The following IQGAP2 variants were observed in gnomAD, a reference collection of about 807,000 sequenced individuals.
IQGAP2 encodes the protein ras GTPase-activating-like protein IQGAP2.
IQGAP2 carries 173 observed loss-of-function variants against 201.3 expected under a neutral mutation model. The ratio of observed to expected loss-of-function variants is 0.86; its 90% CI spans 0.76 to 0.98. IQGAP2 has a LOEUF of 0.98. Ranked by LOEUF, IQGAP2 falls within the 50% of genes least tolerant of loss-of-function variation. IQGAP2 has a pLI of 0.00. For missense variants in IQGAP2, 1,687 were observed against 1,864.8 expected (o/e 0.90, Z 1.76); for synonymous variants, 675 against 673.9 (o/e 1.00, Z -0.03).
At chr5:76,707,139 A>G (rs558523917) in intron 35 of IQGAP2, 61 bp from the exon 36 acceptor site, 5 of 827,512 alleles carry the variant, frequency 6.0e-6, no homozygotes, top group Non-Finnish European at 1.0e-5. Context: ...TTCTTCTAAT[A>G]TGTTTTTTAA....
At chr5:76,592,471 A>G (rs1328624321) in intron 8 of IQGAP2, among the ~76,000 whole-genome samples, 1 of 152,162 alleles carries the variant, frequency 6.6e-6, no homozygotes, top group African/African-American at 2.4e-5. Context: ...TATAGAACCT[A>G]TTCTGTTCTT....
chr5:76,551,591 G>T (rs534809581), intron 2 of IQGAP2, among the ~76,000 whole-genome samples: 2 of 152,152 alleles, frequency 1.3e-5, no homozygotes, highest in Admixed American at 6.5e-5. Flanking sequence ...GCGAGACTCC[G>T]TCTGCAATCC....
chr5:76,609,199 T>C, intron 12 of IQGAP2: 1 of 1,536,010 alleles, frequency 6.5e-7, no homozygotes, highest in Non-Finnish European at 8.7e-7. Flanking sequence ...CTTGGTTCTG[T>C]TAAGACCATT....
At chr5:76,406,347 T>C (rs947563126) in intron 1 of IQGAP2, among the ~76,000 whole-genome samples, 1 of 152,202 alleles carries the variant, frequency 6.6e-6, no homozygotes, top group African/African-American at 2.4e-5. Flanking sequence ...TCCACTGTTA[T>C]TGGCCACATC....
At chr5:76,569,348 T>C (rs983565406) in intron 3 of IQGAP2, among the ~76,000 whole-genome samples, 4 of 152,128 alleles carry the variant, frequency 2.6e-5, no homozygotes, top group Admixed American at 1.3e-4. Context: ...TGCACCAGAG[T>C]TTATTTAATC....
At chr5:76,663,123 G>A (rs553829313) in intron 21 of IQGAP2, among the ~76,000 whole-genome samples, 18 of 152,316 alleles carry the variant, frequency 1.2e-4, no homozygotes, top group African/African-American at 4.1e-4. Flanking sequence ...AAGACCTGAC[G>A]GTGGTTCTCA....
chr5:76,641,227 A>T (rs590674), intron 17 of IQGAP2, 124 bp downstream of exon 17: 425,812 of 677,314 alleles, frequency 0.63, 135,557 homozygotes, highest in South Asian at 0.76. Flanking sequence ...ATTTTTACAT[A>T]ATCAGTGCCC....
intron 2 of IQGAP2, among the ~76,000 whole-genome samples, chr5:76,525,442 T>A (rs1459658427): frequency 6.6e-6 from 1 of 152,196 alleles, no homozygotes; most frequent in Non-Finnish European, 1.5e-5. Flanking sequence ...TTAGTTGATT[T>A]AGTGGTTGAA....
chr5:76,639,679 A>C (rs1007993864), intron 16 of IQGAP2, among the ~76,000 whole-genome samples: 12 of 152,376 alleles, frequency 7.9e-5, no homozygotes, highest in African/African-American at 2.9e-4. Flanking sequence ...GCAGTGTGGC[A>C]GTATTGCAGA....
intron 2 of IQGAP2, among the ~76,000 whole-genome samples, chr5:76,482,980 A>G (rs368613084): frequency 4.6e-5 from 7 of 152,346 alleles, no homozygotes; most frequent in African/African-American, 1.7e-4. Context: ...TGATGTGAAA[A>G]GCAGCCTAAA....
rs1200135112 is a variant in IQGAP2 at position 76,562,553 on chromosome 5, G to A, written c.303+1G>A. ...TGATGTGGAACAAACACGTTATAAG[G>A]TAACCAAGATCTAATTGGTTTTGGC... On this transcript the variant is annotated splice_donor_variant, in intron 3 of 35. Coordinates refer to ENST00000274364, the MANE Select transcript of IQGAP2 (RefSeq NM_006633.5). LOFTEE classifies it high-confidence loss of function. The A allele has an allele frequency of 1.2e-6, 2 of 1,610,968 alleles. No individual in the cohort carries two copies. The highest frequency in any genetic ancestry group is 1.7e-6 in the Non-Finnish European group (2 of 1,178,792).
At chr5:76,447,155 G>A (rs769868676) in intron 1 of IQGAP2, among the ~76,000 whole-genome samples, 2 of 152,202 alleles carry the variant, frequency 1.3e-5, no homozygotes, top group African/African-American at 2.4e-5. Context: ...AGCAGGGACT[G>A]AGAGACAGGA....
At chr5:76,565,290 C>T (rs1336385992) in intron 3 of IQGAP2, among the ~76,000 whole-genome samples, 1 of 152,154 alleles carries the variant, frequency 6.6e-6, no homozygotes, top group Non-Finnish European at 1.5e-5. Context: ...TCAGTGAACT[C>T]GGGCTCTCGC....
At chr5:76,533,968 G>T (rs1158956899) in intron 2 of IQGAP2, among the ~76,000 whole-genome samples, 1 of 152,086 alleles carries the variant, frequency 6.6e-6, no homozygotes, top group African/African-American at 2.4e-5. Flanking sequence ...TGGGAAATTG[G>T]ACTACATCAA....
intron 22 of IQGAP2, among the ~76,000 whole-genome samples, chr5:76,668,223 G>T (rs760410714): frequency 6.6e-6 from 1 of 151,764 alleles, no homozygotes; most frequent in Non-Finnish European, 1.5e-5. Flanking sequence ...CTGGCTACCC[G>T]CCCTGTTTTC....
At chr5:76,601,323 C>A (rs961555083) in intron 11 of IQGAP2, among the ~76,000 whole-genome samples, 5 of 152,220 alleles carry the variant, frequency 3.3e-5, no homozygotes, top group Non-Finnish European at 5.9e-5. Flanking sequence ...TAATAATCAT[C>A]CAGTCCAATT....
At chr5:76,471,376 A>AACAAAAAAAAAAAAAAAAAACAAC (rs1554059003) in intron 2 of IQGAP2, among the ~76,000 whole-genome samples, 1 of 144,798 alleles carries the variant, frequency 6.9e-6, no homozygotes, top group Non-Finnish European at 1.5e-5. Context: ...AAAAAAAAAA[A>AACAAAAAAAAAAAAAAAAAACAAC]AAAAAAAAAA....
At chr5:76,513,615 AG>A (rs1002482722) in intron 2 of IQGAP2, among the ~76,000 whole-genome samples, 1 of 152,212 alleles carries the variant, frequency 6.6e-6, no homozygotes. Context: ...AAGGCTGAAA[AG>A]GCTACATATG....
intron 12 of IQGAP2, among the ~76,000 whole-genome samples, chr5:76,610,114 A>ATTTTTTT (rs34917876): frequency 2.0e-4 from 2 of 9,888 alleles, no homozygotes; most frequent in African/African-American, 4.5e-4. Context: ...ATATATATAT[A>ATTTTTTT]TTTTTTTTTT....
Sources: gnomAD v4.1 joint callset for allele counts (sites outside exome capture counted in the v4.1 genomes callset) on GRCh38, gnomAD v4.1.1 for gene constraint, MANE v1.5 for transcripts, NCBI Gene and HGNC (gene_info 2026-07-23, HGNC 2026-07-21) for gene names.